CNBD1: variants seen among roughly 807,000 people sequenced by gnomAD.
CNBD1 encodes the protein cyclic nucleotide binding domain containing 1, also known as cyclic nucleotide-binding domain-containing protein 1.
A neutral mutation model predicts 54.4 loss-of-function variants in CNBD1; 71 were observed. The observed-to-expected ratio is 1.30, with a 90% CI of 1.08 to 1.59. The LOEUF (loss-of-function observed/expected upper bound fraction) is 1.59, where lower values mean the gene tolerates loss of function less well. Ranked by LOEUF, CNBD1 falls within the 40% of genes most tolerant of loss-of-function variation. CNBD1 has a pLI of 0.00. For synonymous variants in CNBD1, 182 were observed against 170.7 expected (o/e 1.07, Z -0.51); for missense variants, 659 against 518.0 (o/e 1.27, Z -2.64).
intron 4 of CNBD1, among the ~76,000 whole-genome samples, chr8:87,123,416 C>G (rs1030917147): frequency 3.3e-5 from 5 of 151,632 alleles, no homozygotes; most frequent in African/African-American, 1.2e-4. Flanking sequence ...CCTAAACAAC[C>G]TGTAGGTCAC....
chr8:86,891,658 C>A (rs1488015296), intron 2 of CNBD1, among the ~76,000 whole-genome samples: 1 of 151,994 alleles, frequency 6.6e-6, no homozygotes, highest in Non-Finnish European at 1.5e-5. Context: ...TGCCTTGAAT[C>A]TGTAGATCAC....
chr8:87,134,894 C>G (rs759998332), intron 4 of CNBD1, among the ~76,000 whole-genome samples: 27 of 152,044 alleles, frequency 1.8e-4, no homozygotes, highest in Admixed American at 3.3e-4. Flanking sequence ...CAGGCGTGAG[C>G]CACCACGCCC....
At chr8:86,906,270 T>C (rs1378267277) in intron 3 of CNBD1, among the ~76,000 whole-genome samples, 1 of 152,236 alleles carries the variant, frequency 6.6e-6, no homozygotes, top group Non-Finnish European at 1.5e-5. Context: ...TAGATCTATT[T>C]CATTATCCTA....
chr8:87,095,379 T>A (rs1218927487), intron 4 of CNBD1, among the ~76,000 whole-genome samples: 1 of 152,238 alleles, frequency 6.6e-6, no homozygotes, highest in Non-Finnish European at 1.5e-5. Context: ...TGTGCATAAG[T>A]CTGTGCTTGT....
At chr8:87,227,036 T>C (rs1391458715) in intron 5 of CNBD1, among the ~76,000 whole-genome samples, 1 of 151,134 alleles carries the variant, frequency 6.6e-6, no homozygotes, top group Non-Finnish European at 1.5e-5. Flanking sequence ...GTTTGAAGTC[T>C]GTTTTATCAG....
intron 5 of CNBD1, among the ~76,000 whole-genome samples, chr8:87,208,296 G>A (rs1814020290): frequency 6.6e-6 from 1 of 152,026 alleles, no homozygotes; most frequent in Admixed American, 6.6e-5. Context: ...TAATCGAACA[G>A]TAATAGGAAA....
chr8:87,064,666 A>G (rs980377976), intron 4 of CNBD1, among the ~76,000 whole-genome samples: 1 of 151,672 alleles, frequency 6.6e-6, no homozygotes, highest in Non-Finnish European at 1.5e-5. Context: ...TATTCTAGTA[A>G]CCCACCTTCC....
chr8:87,415,495 A>G (rs919428266), intron 2 of CNBD1, among the ~76,000 whole-genome samples: 1 of 152,050 alleles, frequency 6.6e-6, no homozygotes, highest in African/African-American at 2.4e-5. Flanking sequence ...GAACATAGAT[A>G]TGCATCCTTG....
intron 8 of CNBD1, among the ~76,000 whole-genome samples, chr8:87,348,308 T>A (rs1223171809): frequency 6.6e-6 from 1 of 152,162 alleles, no homozygotes; most frequent in African/African-American, 2.4e-5. Context: ...AAAGAAGTAG[T>A]GTTTAATATT....
At chr8:87,281,687 A>G (rs1259328787) in intron 6 of CNBD1, among the ~76,000 whole-genome samples, 4 of 148,898 alleles carry the variant, frequency 2.7e-5, no homozygotes, top group African/African-American at 9.8e-5. Context: ...TTCTTAGGAG[A>G]TGCGTTTCTG....
rs572688832 is a variant in CNBD1, at chr8:87,303,081, A to G, written c.1042+16410A>G. 3.0e-3 allele frequency among the ~76,000 whole-genome samples: 463 copies of G among 152,146 alleles called. 2 individuals are homozygous for G. Among genetic ancestry groups the G allele is most frequent in the South Asian group, 0.01 (50 of 4,820 alleles). The stretch of plus-strand genomic sequence containing the variant: ...ACTGCCCAAGGTAATTTATAGATTC[A>G]ATGCTATCCCCATCAAGCTACCAAT... On this transcript the variant is annotated intron_variant, in intron 8 of 10. Transcript: ENST00000518476.
At chr8:87,251,637 G>T (rs1389748066) in intron 6 of CNBD1, among the ~76,000 whole-genome samples, 5 of 148,518 alleles carry the variant, frequency 3.4e-5, no homozygotes, top group African/African-American at 9.9e-5. Context: ...GACTACTTTT[G>T]TCTAGGTACC....
intron 6 of CNBD1, among the ~76,000 whole-genome samples, chr8:87,273,819 T>C (rs1482825253): frequency 6.6e-6 from 1 of 151,940 alleles, no homozygotes; most frequent in African/African-American, 2.4e-5. Context: ...ATGTGCACAA[T>C]GTGCAGGTTA....
intron 10 of CNBD1, among the ~76,000 whole-genome samples, chr8:87,360,059 A>G (rs953199666): frequency 1.3e-5 from 2 of 151,974 alleles, no homozygotes; most frequent in African/African-American, 2.4e-5. Flanking sequence ...TATACTCTCT[A>G]TTTGGTCTTA....
At chr8:87,344,956 A>C (rs76953387) in intron 8 of CNBD1, among the ~76,000 whole-genome samples, 2,837 of 152,298 alleles carry the variant, frequency 0.019, 90 homozygotes, top group African/African-American at 0.062. Context: ...ATATGATTAC[A>C]GAAACTGAAA....
In CNBD1 at chr8:87,340,290, G is replaced by A. The variant is rs192187019; in HGVS notation, c.1043-11395G>A. 6.2e-3 allele frequency among the ~76,000 whole-genome samples: 938 copies of A among 152,242 alleles called. 8 individuals are homozygous for A. Among genetic ancestry groups the A allele is most frequent in the South Asian group, 0.019 (92 of 4,830 alleles). Reference sequence around the variant, plus strand: ...GTAGGTGATAATTCATATTTTTCTTGCTGCTTTCAAAATTAACTCTGTCTT... The same window carrying A: ...GTAGGTGATAATTCATATTTTTCTTACTGCTTTCAAAATTAACTCTGTCTT... On this transcript the variant is annotated intron_variant, in intron 8 of 10. Transcript: ENST00000518476.
In CNBD1 at chr8:87,353,739, C is replaced by A. The variant is rs528327856; in HGVS notation, c.1256C>A (p.Thr419Asn). 8.1e-6 allele frequency: 13 copies of A among 1,610,472 alleles called. No homozygotes were observed. The East Asian group carries it at 2.2e-4, about 28-fold the overall frequency. The change falls in exon 10 of 11, where the codon ACC becomes AAC. Residue 419 changes from threonine to asparagine, a missense_variant. Physicochemically the swap from Thr to Asn is moderately conservative, Grantham distance 65. Coordinates refer to ENST00000518476, the MANE Select transcript of CNBD1 (RefSeq NM_173538.3). ...LQVPFTCTII[T>N]KKEVEMAIIE... ...GTTCCTTTCACGTGCACAATCATTACCAAAAAAGAAGTTGAGATGGCAATC... is the reference window on the plus strand; with the variant it reads ...GTTCCTTTCACGTGCACAATCATTAACAAAAAAGAAGTTGAGATGGCAATC...
At chr8:86,880,826 C>G (rs1251514512) in intron 1 of CNBD1, among the ~76,000 whole-genome samples, 1 of 152,124 alleles carries the variant, frequency 6.6e-6, no homozygotes, top group Non-Finnish European at 1.5e-5. Flanking sequence ...GCTTATCCAC[C>G]ATGATCAAGG....
At chr8:87,040,125 C>T (rs1810033618) in intron 4 of CNBD1, among the ~76,000 whole-genome samples, 1 of 152,222 alleles carries the variant, frequency 6.6e-6, no homozygotes, top group Non-Finnish European at 1.5e-5. Context: ...ACCATAATCT[C>T]TAATCTTGTG....
Sources: gnomAD v4.1 joint callset for allele counts (sites outside exome capture counted in the v4.1 genomes callset) on GRCh38, gnomAD v4.1.1 for gene constraint, MANE v1.5 for transcripts, NCBI Gene and HGNC (gene_info 2026-07-23, HGNC 2026-07-21) for gene names.